The following SREBF2 variants were observed in gnomAD, a reference collection of about 807,000 sequenced individuals.
The protein encoded by SREBF2 is sterol regulatory element binding transcription factor 2.
In SREBF2, 55 loss-of-function variants were observed where a neutral mutation model predicts 113.1. That is an observed-to-expected ratio of 0.49 (90% confidence interval 0.39 to 0.61). SREBF2 has a LOEUF of 0.61. Among genes scored for constraint, SREBF2 ranks in the 20% least tolerant of loss-of-function variants. The probability of loss-of-function intolerance (pLI) is 0.00; values close to 1 mark genes in which losing one functional copy is unlikely to be tolerated. For missense variants in SREBF2, 1,349 were observed against 1,487.4 expected (o/e 0.91, Z 1.53); for synonymous variants, 593 against 605.7 (o/e 0.98, Z 0.31).
chr22:41,904,184 C>A (rs957258298), intron 17 of SREBF2, among the ~76,000 whole-genome samples: 2 of 152,168 alleles, frequency 1.3e-5, no homozygotes, highest in Admixed American at 1.3e-4. Context: ...GGTCCAAAGG[C>A]CTCCTCTTAA....
intron 1 of SREBF2, among the ~76,000 whole-genome samples, chr22:41,863,233 A>G (rs2077042136): frequency 6.6e-6 from 1 of 152,226 alleles, no homozygotes; most frequent in Non-Finnish European, 1.5e-5. Context: ...AAAGAGAAGT[A>G]TCTTGCCCAC....
At chr22:41,851,736 C>T (rs1465782958) in intron 1 of SREBF2, among the ~76,000 whole-genome samples, 1 of 151,882 alleles carries the variant, frequency 6.6e-6, no homozygotes, top group Non-Finnish European at 1.5e-5. Context: ...TGCAGGTGAT[C>T]CACCCGCCTC....
chr22:41,860,231 T>C (rs1253484944), intron 1 of SREBF2, among the ~76,000 whole-genome samples: 1 of 150,156 alleles, frequency 6.7e-6, no homozygotes, highest in Admixed American at 6.6e-5. Context: ...TGGAAGTTTT[T>C]TAAATCAGTG....
Position 41,894,957 on chromosome 22 carries a change from C to A in SREBF2, c.2495+20C>A. ...GAGCTGGTAAAGTCCCCAGACCAGT[C>A]CCCCTGCCTTAGGACCTGTCCACGC... On this transcript the variant is annotated intron_variant, in intron 13 of 18. Transcript: ENST00000361204. 6.2e-7 allele frequency: 1 copy of A among 1,602,630 alleles called. No individual in the cohort carries two copies. The highest frequency in any genetic ancestry group is 8.5e-7 in the Non-Finnish European group (1 of 1,170,150).
At position 41,884,917 on chromosome 22, in the gene SREBF2, A is replaced by G; in HGVS notation, c.2114A>G (p.Glu705Gly). ...LCAVNLAECA[E>G]EKIPPSTLVE... ...GCCGTGAACCTGGCTGAATGTGCAG[A>G]GGAGAAGATCCCACCGAGCACACTG... The change falls in exon 11 of 19, where the codon GAG (glutamate) becomes GGG (glycine). Residue 705 changes from glutamate (E) to glycine (G), a missense_variant. By Grantham distance (98) the Glu-to-Gly change is moderately conservative. This residue lies in a region of SREBF2 where 650 missense variants were observed against 644.1 expected (regional missense o/e 1.01). Transcript: ENST00000361204. 6.2e-7 allele frequency: 1 copy of G among 1,614,132 alleles called. No individual in the cohort carries two copies. Among genetic ancestry groups the G allele is most frequent in the Non-Finnish European group, 8.5e-7 (1 of 1,180,008 alleles).
At position 41,894,857 on chromosome 22, in the gene SREBF2, G is replaced by C; in HGVS notation, c.2415G>C (p.Lys805Asn). 6.2e-7 allele frequency: 1 copy of C among 1,614,144 alleles called. No homozygotes were observed. The highest frequency in any genetic ancestry group is 8.5e-7 in the Non-Finnish European group (1 of 1,180,030). ...CGCAGGTCCACCAGGCCTTCTGCAA[G>C]AACCTGCTGGAGCGAGCTATAGAGT... Reference protein sequence around the residue: ...PIAQVHQAFCKNLLERAIESL... With the variant: ...PIAQVHQAFCNNLLERAIESL... Residue 805 changes from lysine (K) to asparagine (N), a missense_variant, in exon 13 of 19, where the codon AAG (lysine) becomes AAC (asparagine). Coordinates refer to ENST00000361204, the MANE Select transcript of SREBF2 (RefSeq NM_004599.4).
At chr22:41,900,749 G>C (rs1408283526) in intron 16 of SREBF2, among the ~76,000 whole-genome samples, 2 of 152,160 alleles carry the variant, frequency 1.3e-5, no homozygotes, top group Non-Finnish European at 2.9e-5. Context: ...AGGTCCTGCT[G>C]GCCCATAGCC....
intron 12 of SREBF2, 114 bp from the exon 13 acceptor site, chr22:41,894,706 G>C (rs968407503): frequency 6.8e-6 from 6 of 884,606 alleles, no homozygotes; most frequent in Middle Eastern, 2.2e-4. Context: ...GGTGGAGAAG[G>C]GGCATCTGAT....
Position 41,895,014 on chromosome 22 carries a change from C to T in SREBF2, c.2495+77C>T, listed in dbSNP as rs564844821. 13 of 1,125,854 alleles carry T rather than the reference C, an allele frequency of 1.2e-5. No homozygotes were observed. In the South Asian group the frequency reaches 1.4e-4, roughly 12 times the overall value. The allele number at this position is 1,125,854 out of a possible 1,614,324, so 69.7% of individuals were successfully genotyped here. A position where few individuals can be genotyped will look rare whatever the true frequency, so the allele number is the denominator to read the frequency against. On this transcript the variant is annotated intron_variant, in intron 13 of 18. Coordinates refer to ENST00000361204, the MANE Select transcript of SREBF2 (RefSeq NM_004599.4). Reference sequence around the variant, plus strand: ...CTCCAGGACAGCCTGAAGGCCTGCACTCCTGGAGGGAAACAAGCCTGGCAT... The same window carrying T: ...CTCCAGGACAGCCTGAAGGCCTGCATTCCTGGAGGGAAACAAGCCTGGCAT...
chr22:41,904,424 TCTTC>T (rs146026359), intron 17 of SREBF2: 26,496 of 383,278 alleles, frequency 0.069, 1,009 homozygotes, highest in Non-Finnish European at 0.081. Flanking sequence ...CTCTAGACTC[TCTTC>T]CTTTCTAAAG....
At chr22:41,865,881 CT>C (rs942535128) in intron 1 of SREBF2, among the ~76,000 whole-genome samples, 2 of 152,230 alleles carry the variant, frequency 1.3e-5, no homozygotes, top group Non-Finnish European at 2.9e-5. Context: ...GGCCAAGTTA[CT>C]TTCCTCTCCT....
At chr22:41,877,548 C>A in intron 8 of SREBF2, 127 bp downstream of exon 8, 1 of 1,121,992 alleles carries the variant, frequency 8.9e-7, no homozygotes, top group Non-Finnish European at 1.3e-6. Flanking sequence ...CCCCCACCTG[C>A]TTGCTTCTGA....
Position 41,905,830 on chromosome 22 carries a change from T to G in SREBF2, c.*170T>G. 1 of 782,924 alleles carries G rather than the reference T, an allele frequency of 1.3e-6. No homozygotes were observed. The highest frequency in any genetic ancestry group is 2.2e-6 in the Non-Finnish European group (1 of 453,594). 48.5% of individuals were successfully genotyped at this position (782,924 alleles called of 1,614,324 possible). ...CCTGGGCAGAGCCCCTTAAAGCTGC[T>G]GTCACTAGATGCCCATGGTCCAGGG... On this transcript the variant is annotated 3_prime_UTR_variant, in exon 19 of 19. Coordinates refer to ENST00000361204, the MANE Select transcript of SREBF2 (RefSeq NM_004599.4).
At chr22:41,854,438 AG>A (rs1338251682) in intron 1 of SREBF2, among the ~76,000 whole-genome samples, 1 of 151,844 alleles carries the variant, frequency 6.6e-6, no homozygotes, top group East Asian at 2.0e-4. Context: ...CTGAGATTGC[AG>A]GGGTGAACCA....
At chr22:41,886,096 C>G (rs1041523959) in intron 11 of SREBF2, 3 of 152,196 alleles carry the variant, frequency 2.0e-5, no homozygotes, top group African/African-American at 7.2e-5. Flanking sequence ...GCATAGTTGG[C>G]AAGGAATCTA....
chr22:41,842,189 T>C (rs1342276874), intron 1 of SREBF2, among the ~76,000 whole-genome samples: 2 of 152,244 alleles, frequency 1.3e-5, no homozygotes, highest in African/African-American at 4.8e-5. Context: ...AAAGGTACTA[T>C]GAAAAGTCTT....
In SREBF2 at chr22:41,849,441, C is replaced by T. The variant is rs542086057; in HGVS notation, c.88+16083C>T. Among the ~76,000 whole-genome samples, 140 of 152,182 alleles carry T rather than the reference C, an allele frequency of 9.2e-4. 3 individuals are homozygous for T. In the East Asian group the frequency reaches 0.021, roughly 23 times the overall value. On this transcript the variant is annotated intron_variant, in intron 1 of 18. Coordinates refer to ENST00000361204, the MANE Select transcript of SREBF2 (RefSeq NM_004599.4). Reference sequence around the variant, plus strand: ...AACTCCTGACTTCAGGTGATCCTCCCGCCTTAGCCTCCCAAAGTGCTGGGA... The same window carrying T: ...AACTCCTGACTTCAGGTGATCCTCCTGCCTTAGCCTCCCAAAGTGCTGGGA...
chr22:41,850,449 CAAAA>C (rs766008584), intron 1 of SREBF2, among the ~76,000 whole-genome samples: 3 of 124,204 alleles, frequency 2.4e-5, no homozygotes, highest in African/African-American at 3.1e-5. Context: ...GACTCCATCT[CAAAA>C]AAAAAAAAAA....
chr22:41,905,423 A>G lies in SREBF2; in HGVS notation c.3206-17A>G, dbSNP rs1474120332. On this transcript the variant is annotated splice_polypyrimidine_tract_variant and intron_variant, in intron 18 of 18. Coordinates refer to ENST00000361204, the MANE Select transcript of SREBF2 (RefSeq NM_004599.4). Reference sequence around the variant, plus strand: ...CATGGTAGATTCTCGGTTGTGACACACATCTCCTTCCCACAGGAGAGGTGG... The same window carrying G: ...CATGGTAGATTCTCGGTTGTGACACGCATCTCCTTCCCACAGGAGAGGTGG... 41 of 1,559,206 alleles carry G rather than the reference A, an allele frequency of 2.6e-5. No individual in the cohort carries two copies. Among genetic ancestry groups the G allele is most frequent in the Non-Finnish European group, 3.6e-5 (41 of 1,154,340 alleles).
Sources: allele counts gnomAD v4.1 joint callset (sites outside exome capture counted in the v4.1 genomes callset), GRCh38; gene constraint gnomAD v4.1.1; regional missense constraint gnomAD v4.1.1; transcripts MANE v1.5; gene names NCBI Gene and HGNC (gene_info 2026-07-23, HGNC 2026-07-21).